Variants in GFRAL observed in about 807,000 individuals in gnomAD.
GFRAL encodes GDNF family receptor alpha-like.
GFRAL carries 36 observed loss-of-function variants against 45.4 expected under a neutral mutation model. That is an observed-to-expected ratio of 0.79 (90% confidence interval 0.61 to 1.05). The LOEUF (loss-of-function observed/expected upper bound fraction) is 1.05, where lower values mean the gene tolerates loss of function less well. Among genes scored for constraint, GFRAL ranks in the 50% least tolerant of loss-of-function variants. The pLI is 0.00. For missense variants in GFRAL, 507 were observed against 467.5 expected, an observed-to-expected ratio of 1.08 and a Z score of -0.78; for synonymous variants, 166 against 154.1, an observed-to-expected ratio of 1.08 and a Z score of -0.57.
chr6:55,348,236 G>GT (rs1413460336), intron 3 of GFRAL, among the ~76,000 whole-genome samples: 18 of 36,712 alleles, frequency 4.9e-4, no homozygotes, highest in Admixed American at 1.9e-3. Flanking sequence ...GGGAAAAAAT[G>GT]AGTGTGTGTG....
intron 6 of GFRAL, among the ~76,000 whole-genome samples, chr6:55,392,588 G>A (rs1056839140): frequency 7.2e-5 from 11 of 152,280 alleles, no homozygotes; most frequent in African/African-American, 2.2e-4. Flanking sequence ...TGGGATTGAT[G>A]TTGCATCACA....
intron 6 of GFRAL, among the ~76,000 whole-genome samples, chr6:55,361,474 A>C (rs1768274312): frequency 6.6e-6 from 1 of 151,980 alleles, no homozygotes; most frequent in Non-Finnish European, 1.5e-5. Flanking sequence ...TGTAGTTATA[A>C]TGTATCTTTT....
chr6:55,334,079 A>C, intron 3 of GFRAL, 135 bp downstream of exon 3: 1 of 634,086 alleles, frequency 1.6e-6, no homozygotes, highest in Non-Finnish European at 2.5e-6. Flanking sequence ...TTATTTTAAA[A>C]ATTTTGTTGG....
intron 6 of GFRAL, among the ~76,000 whole-genome samples, chr6:55,380,853 G>A (rs763671354): frequency 2.0e-4 from 30 of 151,974 alleles, no homozygotes; most frequent in Middle Eastern, 3.4e-3. Context: ...TTGCTTTATT[G>A]GAAGTATCCT....
chr6:55,358,803 G>A (rs1303556365), intron 5 of GFRAL, 85 bp from the exon 6 acceptor site: 1 of 1,304,036 alleles, frequency 7.7e-7, no homozygotes, highest in East Asian at 2.3e-5. Context: ...TGTGTTCTAT[G>A]TCTTTCATTA....
intron 6 of GFRAL, among the ~76,000 whole-genome samples, chr6:55,373,942 CTG>C (rs1768490099): frequency 6.6e-6 from 1 of 152,136 alleles, no homozygotes; most frequent in South Asian, 2.1e-4. Flanking sequence ...GTTGTTCCCA[CTG>C]TGTGTCCATG....
At chr6:55,351,659 T>A in intron 5 of GFRAL, 76 bp downstream of exon 5, 1 of 1,009,702 alleles carries the variant, frequency 9.9e-7, no homozygotes. Context: ...ACACTTGATC[T>A]CATAACATTA....
chr6:55,372,065 G>T (rs1768458529), intron 6 of GFRAL, among the ~76,000 whole-genome samples: 2 of 152,160 alleles, frequency 1.3e-5, no homozygotes, highest in Non-Finnish European at 2.9e-5. Context: ...GGGCCTGGAG[G>T]TCCTTGTCTT....
chr6:55,331,296 T>C (rs1562046388), intron 1 of GFRAL, among the ~76,000 whole-genome samples: 1 of 152,002 alleles, frequency 6.6e-6, no homozygotes. Flanking sequence ...ACAAAGTGGA[T>C]AAATATCAAG....
chr6:55,330,559 G>C (rs1045879266), intron 1 of GFRAL, among the ~76,000 whole-genome samples: 3 of 152,042 alleles, frequency 2.0e-5, no homozygotes, highest in Non-Finnish European at 2.9e-5. Context: ...CAACAAAAAG[G>C]GTTATTCCAG....
chr6:55,339,348 G>A (rs979094787), intron 3 of GFRAL, among the ~76,000 whole-genome samples: 3 of 151,888 alleles, frequency 2.0e-5, no homozygotes, highest in African/African-American at 7.3e-5. Flanking sequence ...TTCTAAATTT[G>A]CAATGATAAA....
rs1040484371 is a variant in GFRAL at position 55,351,712 on chromosome 6, A to G, written c.701+129A>G. On this transcript the variant is annotated intron_variant, in intron 5 of 8. Coordinates refer to ENST00000340465, the MANE Select transcript of GFRAL (RefSeq NM_207410.2). ...CATCCAACATAGTGTAAATAAAACCAGACAATTAATATTTTTTTGAATCTG... is the reference window on the plus strand; with the variant it reads ...CATCCAACATAGTGTAAATAAAACCGGACAATTAATATTTTTTTGAATCTG... The G allele has an allele frequency of 8.2e-6, 5 of 607,486 alleles. No individual in the cohort carries two copies. The African/African-American group carries it at 9.2e-5, about 11-fold the overall frequency. The allele number at this position is 607,486 out of a possible 1,614,324, so 37.6% of individuals were successfully genotyped here.
intron 6 of GFRAL, among the ~76,000 whole-genome samples, chr6:55,366,442 C>T (rs902541487): frequency 1.7e-4 from 24 of 145,412 alleles, no homozygotes; most frequent in African/African-American, 6.0e-4. Flanking sequence ...CTATTTCCTT[C>T]AGTTCTGCTC....
At chr6:55,342,993 T>C (rs953824235) in intron 3 of GFRAL, among the ~76,000 whole-genome samples, 1 of 152,148 alleles carries the variant, frequency 6.6e-6, no homozygotes, top group Admixed American at 6.5e-5. Context: ...TAAATATATA[T>C]GCACCCAATA....
At chr6:55,370,826 T>C (rs531689407) in intron 6 of GFRAL, among the ~76,000 whole-genome samples, 17 of 152,320 alleles carry the variant, frequency 1.1e-4, no homozygotes, top group African/African-American at 3.6e-4. Context: ...TTCTTAATAA[T>C]TTTCTTTTGC....
At chr6:55,354,425 A>G (rs1178117953) in intron 5 of GFRAL, among the ~76,000 whole-genome samples, 1 of 151,974 alleles carries the variant, frequency 6.6e-6, no homozygotes, top group Non-Finnish European at 1.5e-5. Context: ...TGTACACTTA[A>G]TTGTTATATT....
intron 6 of GFRAL, among the ~76,000 whole-genome samples, chr6:55,397,508 G>A (rs1160042699): frequency 2.0e-5 from 2 of 102,330 alleles, no homozygotes; most frequent in Non-Finnish European, 3.7e-5. Flanking sequence ...CTGGGCGACA[G>A]AGCGAGACTC....
chr6:55,369,266 T>C (rs1401281909), intron 6 of GFRAL, among the ~76,000 whole-genome samples: 1 of 152,214 alleles, frequency 6.6e-6, no homozygotes, highest in Non-Finnish European at 1.5e-5. Flanking sequence ...CCCCTTGCGC[T>C]TCCCAAGTGA....
At chr6:55,351,869 G>C (rs1341657028) in intron 5 of GFRAL, among the ~76,000 whole-genome samples, 2 of 151,862 alleles carry the variant, frequency 1.3e-5, no homozygotes, top group African/African-American at 2.4e-5. Context: ...CTAATGAATT[G>C]GTTAATAGAC....
Sources: gnomAD v4.1 joint callset for allele counts (sites outside exome capture counted in the v4.1 genomes callset) on GRCh38, gnomAD v4.1.1 for gene constraint, MANE v1.5 for transcripts, NCBI Gene and HGNC (gene_info 2026-07-23, HGNC 2026-07-21) for gene names.